Variants in PITRM1 observed in about 807,000 individuals in gnomAD.
PITRM1 encodes the protein pitrilysin metallopeptidase 1, also known as presequence protease, mitochondrial.
A neutral mutation model predicts 129.9 loss-of-function variants in PITRM1; 100 were observed. The ratio of observed to expected loss-of-function variants is 0.77; its 90% CI spans 0.65 to 0.91. The LOEUF is 0.91. Ranked by LOEUF, PITRM1 falls within the 40% of genes least tolerant of loss-of-function variation. PITRM1 has a pLI of 0.00. For missense variants in PITRM1, 1,471 were observed against 1,318.3 expected (o/e 1.12, Z -1.79); for synonymous variants, 591 against 508.8 (o/e 1.16, Z -2.17).
intron 24 of PITRM1, 26 bp from the exon 25 acceptor site, chr10:3,139,075 G>A (rs1431600309): frequency 6.2e-7 from 1 of 1,609,044 alleles, no homozygotes; most frequent in Non-Finnish European, 8.5e-7. Context: ...AAATAAACGG[G>A]CAAGCATTTT....
intron 4 of PITRM1, among the ~76,000 whole-genome samples, chr10:3,165,946 T>C (rs553205423): frequency 2.0e-5 from 3 of 152,330 alleles, no homozygotes; most frequent in African/African-American, 7.2e-5. Context: ...TCAACATTAG[T>C]AGTAACTCTG....
chr10:3,138,257 T>C lies in PITRM1; in HGVS notation c.2998A>G (p.Lys1000Glu). Residue 1000 changes from lysine (K) to glutamate (E), a missense_variant, in exon 26 of 27, where the codon AAG (lysine) becomes GAG (glutamate). Coordinates refer to ENST00000224949, the MANE Select transcript of PITRM1 (RefSeq NM_014889.4). ...CACCTATCGCTCACGGCCAGGAGCT[T>C]GTCGTGGCTGACAGCAAAGAGCTGC... ...REQLFAVSHDKLLAVSDRYLG... is the reference protein window; with the variant it reads ...REQLFAVSHDELLAVSDRYLG... 6.2e-7 allele frequency: 1 copy of C among 1,613,340 alleles called. No homozygotes were observed. Among genetic ancestry groups the C allele is most frequent in the Non-Finnish European group, 8.5e-7 (1 of 1,179,344 alleles).
At chr10:3,149,862 G>T in intron 15 of PITRM1, 109 bp from the exon 16 acceptor site, 1 of 1,132,710 alleles carries the variant, frequency 8.8e-7, no homozygotes, top group South Asian at 1.3e-5. Context: ...GGAGGTTTAA[G>T]ACTTATACTA....
At chr10:3,154,572 A>G in intron 14 of PITRM1, among the ~76,000 whole-genome samples, 1 of 152,242 alleles carries the variant, frequency 6.6e-6, no homozygotes, top group East Asian at 1.9e-4. Flanking sequence ...TCCCTAAGAA[A>G]GTAATGAGAT....
At chr10:3,158,496 G>C (rs1442005640) in intron 10 of PITRM1, among the ~76,000 whole-genome samples, 1 of 152,152 alleles carries the variant, frequency 6.6e-6, no homozygotes, top group Non-Finnish European at 1.5e-5. Context: ...CTTGCAGTGA[G>C]CCGAGATCGC....
At chr10:3,157,085 T>A (rs1195691025) in intron 12 of PITRM1, 21 bp from the exon 13 acceptor site, 2 of 1,596,884 alleles carry the variant, frequency 1.3e-6, no homozygotes, top group African/African-American at 1.4e-5. Flanking sequence ...GATTTCCACA[T>A]CCACAATGCA....
rs966117499 is a variant in PITRM1, at chr10:3,137,741, G to T, written c.*290C>A. 1 of 426,324 alleles carries T rather than the reference G, an allele frequency of 2.3e-6. No homozygotes were observed. The allele number at this position is 426,324 out of a possible 1,614,324, so 26.4% of individuals were successfully genotyped here. On this transcript the variant is annotated 3_prime_UTR_variant, in exon 27 of 27. Coordinates refer to ENST00000224949, the MANE Select transcript of PITRM1 (RefSeq NM_014889.4). ...CTCAAGCAGAGGTTAAGTCAGAGTT[G>T]CCCTTTATTTTTAGATTCTTAAATA...
chr10:3,154,230 G>A lies in PITRM1; in HGVS notation c.1621+1361C>T, dbSNP rs578160280. 1.1e-4 allele frequency among the ~76,000 whole-genome samples: 16 copies of A among 152,322 alleles called. 1 individual carries two copies. The South Asian group carries it at 3.3e-3, about 32-fold the overall frequency. On this transcript the variant is annotated intron_variant, in intron 14 of 26. Coordinates refer to ENST00000224949, the MANE Select transcript of PITRM1 (RefSeq NM_014889.4). Reference sequence around the variant, plus strand: ...TTGTTGCGCTCCTTCACAGCTAGTGGCATTTCTTTGTAAGGATGTATATGT... The same window carrying A: ...TTGTTGCGCTCCTTCACAGCTAGTGACATTTCTTTGTAAGGATGTATATGT...
chr10:3,150,490 G>T (rs1841406429), intron 15 of PITRM1, among the ~76,000 whole-genome samples: 1 of 152,166 alleles, frequency 6.6e-6, no homozygotes, highest in Non-Finnish European at 1.5e-5. Context: ...CGCTTCACAG[G>T]ACACAGGGAT....
At chr10:3,154,232 A>G (rs1197539949) in intron 14 of PITRM1, among the ~76,000 whole-genome samples, 1 of 152,198 alleles carries the variant, frequency 6.6e-6, no homozygotes, top group East Asian at 1.9e-4. Context: ...AGCTAGTGGC[A>G]TTTCTTTGTA....
At chr10:3,144,395 G>A in intron 21 of PITRM1, 29 bp from the exon 22 acceptor site, 1 of 1,348,070 alleles carries the variant, frequency 7.4e-7, no homozygotes, top group Non-Finnish European at 1.0e-6. Context: ...AGAGAAAAGA[G>A]AAAAATCCAG....
In PITRM1 at chr10:3,151,230, G is replaced by T; in HGVS notation, c.1738+17C>A. The T allele has an allele frequency of 7.3e-7, 1 of 1,369,842 alleles. No individual in the cohort carries two copies. The highest frequency in any genetic ancestry group is 1.0e-6 in the Non-Finnish European group (1 of 968,450). The allele number at this position is 1,369,842 out of a possible 1,614,324, so 84.9% of individuals were successfully genotyped here. A position where few individuals can be genotyped will look rare whatever the true frequency, so the allele number is the denominator to read the frequency against. On this transcript the variant is annotated intron_variant, in intron 15 of 26. Transcript: ENST00000224949. ...AAGGAACCCGAGACCCGGGAAAAGC[G>T]TAGCGTTCACAGTGACCTGTCAGGA...
In PITRM1 at chr10:3,138,322, A is replaced by G; in HGVS notation, c.2933T>C (p.Leu978Ser). 6.2e-7 allele frequency: 1 copy of G among 1,613,148 alleles called. No individual in the cohort carries two copies. The highest frequency in any genetic ancestry group is 8.5e-7 in the Non-Finnish European group (1 of 1,179,160). Residue 978 changes from leucine (L) to serine (S), a missense_variant, in exon 26 of 27, where the codon TTG becomes TCG. Physicochemically the swap from Leu to Ser is moderately radical, Grantham distance 145. Coordinates refer to ENST00000224949, the MANE Select transcript of PITRM1 (RefSeq NM_014889.4). ...APSDKGMDHF[L>S]YGLSDEMKQA... ...CTTCATCTCATCCGAGAGGCCGTAC[A>G]AGAAGTGGTCCATTCCTAGAAGACA...
intron 25 of PITRM1, 132 bp from the exon 26 acceptor site, chr10:3,138,469 G>C: frequency 1.4e-6 from 1 of 690,906 alleles, no homozygotes; most frequent in Non-Finnish European, 2.6e-6. Flanking sequence ...ACAGGGATGT[G>C]TCTAACAACC....
chr10:3,150,417 C>CA (rs1203062508), intron 15 of PITRM1, among the ~76,000 whole-genome samples: 1 of 151,638 alleles, frequency 6.6e-6, no homozygotes, highest in Non-Finnish European at 1.5e-5. Context: ...CACACACACA[C>CA]ATGAAAATAA....
rs183457850 is a variant in PITRM1, at chr10:3,166,189, C to T, written c.418+40G>A. On this transcript the variant is annotated intron_variant, in intron 4 of 26. Transcript: ENST00000224949. ...ACTGAATTCCAGTGGGTGTGCCTGG[C>T]AAACCCAAAAGCAGTTTCTGTTCAG... is the stretch of plus-strand genomic sequence containing the variant. 19 of 1,509,570 alleles carry T rather than the reference C, an allele frequency of 1.3e-5. No homozygotes were observed. The South Asian group carries it at 2.2e-4, about 18-fold the overall frequency. The allele number at this position is 1,509,570 out of a possible 1,614,324, so 93.5% of individuals were successfully genotyped here. A position where few individuals can be genotyped will look rare whatever the true frequency, so the allele number is the denominator to read the frequency against.
chr10:3,147,824 T>C lies in PITRM1; in HGVS notation c.2070-87A>G, dbSNP rs554391263. Reference sequence around the variant, plus strand: ...TGGAAAGTTGATTAAGTTTTCAGAGTACTTTAACAACCAAAGAAATTTTAT... The same window carrying C: ...TGGAAAGTTGATTAAGTTTTCAGAGCACTTTAACAACCAAAGAAATTTTAT... On this transcript the variant is annotated intron_variant, in intron 18 of 26. Transcript: ENST00000224949. The C allele has an allele frequency of 9.8e-6, 13 of 1,325,842 alleles. No homozygotes were observed. In the African/African-American group the frequency reaches 1.2e-4, roughly 12 times the overall value. The allele number at this position is 1,325,842 out of a possible 1,614,324, so 82.1% of individuals were successfully genotyped here. A position where few individuals can be genotyped will look rare whatever the true frequency, so the allele number is the denominator to read the frequency against.
At chr10:3,149,864 CTT>C in intron 15 of PITRM1, 111 bp from the exon 16 acceptor site, 1 of 1,114,130 alleles carries the variant, frequency 9.0e-7, no homozygotes, top group Non-Finnish European at 1.3e-6. Flanking sequence ...AGGTTTAAGA[CTT>C]ATACTAGAGT....
intron 24 of PITRM1, 83 bp downstream of exon 24, chr10:3,140,601 CAGT>C (rs879372584): frequency 2.8e-5 from 35 of 1,248,434 alleles, no homozygotes; most frequent in Non-Finnish European, 3.6e-5. Flanking sequence ...AAATTCACTG[CAGT>C]AGAAGAAAAT....
Sources: allele counts gnomAD v4.1 joint callset (sites outside exome capture counted in the v4.1 genomes callset), GRCh38; gene constraint gnomAD v4.1.1; transcripts MANE v1.5; gene names NCBI Gene and HGNC (gene_info 2026-07-23, HGNC 2026-07-21).